Variants in TERT observed in about 807,000 individuals in gnomAD.
TERT encodes the protein telomerase catalytic subunit.
TERT carries 42 observed loss-of-function variants against 104.0 expected under a neutral mutation model. That is an observed-to-expected ratio of 0.40 (90% CI 0.32 to 0.52). The LOEUF is 0.52. Ranked by LOEUF, TERT falls within the 20% of genes least tolerant of loss-of-function variation. TERT has a pLI of 0.43. For synonymous variants in TERT, 781 were observed against 725.6 expected (o/e 1.08, Z -1.23); for missense variants, 1,101 against 1,610.3 (o/e 0.68, Z 5.41).
rs35837567 is a variant in TERT, at chr5:1,294,223, C to A, written c.663G>T (p.Ala221=). 27 of 1,584,768 alleles carry A rather than the reference C, an allele frequency of 1.7e-5. No homozygotes were observed. Among genetic ancestry groups the A allele is most frequent in the Non-Finnish European group, 2.0e-5 (24 of 1,171,400 alleles). Reference sequence around the variant, plus strand: ...GGCTGGCACTGCCCCCGCGCCTCCTCGCACCCGGGGCTGGCAGGCCCAGGG... The same window carrying A: ...GGCTGGCACTGCCCCCGCGCCTCCTAGCACCCGGGGCTGGCAGGCCCAGGG... The part of the protein sequence containing the change: ...GVPLGLPAPG[A]RRRGGSASRS... Residue 221 remains alanine, a synonymous_variant, in exon 2 of 16, where the codon GCG becomes GCT. Coordinates refer to ENST00000310581, the MANE Select transcript of TERT (RefSeq NM_198253.3).
At position 1,262,922 on chromosome 5, in the gene TERT, G is replaced by A. The variant is rs1033846329; in HGVS notation, c.2843+1482C>T. Among the ~76,000 whole-genome samples, 4 of 152,232 alleles carry A rather than the reference G, an allele frequency of 2.6e-5. No individual in the cohort carries two copies. Among genetic ancestry groups the A allele is most frequent in the African/African-American group, 9.6e-5 (4 of 41,456 alleles). On this transcript the variant is annotated intron_variant, in intron 11 of 15. Coordinates refer to ENST00000310581, the MANE Select transcript of TERT (RefSeq NM_198253.3). This position sits in a 1 kb window ranked among gnomAD's most constrained non-coding sequence, Gnocchi z 5.6. Reference sequence around the variant, plus strand: ...AGGCGAAGAGGTGCTGGGAGCCCAGGAAATGTGGAAATCATGCAGACAAAG... The same window carrying A: ...AGGCGAAGAGGTGCTGGGAGCCCAGAAAATGTGGAAATCATGCAGACAAAG...
chr5:1,253,894 T>C lies in TERT; in HGVS notation c.3296-63A>G, dbSNP rs976622721. 4 of 1,531,096 alleles carry C rather than the reference T, an allele frequency of 2.6e-6. No individual in the cohort carries two copies. In the African/African-American group the frequency reaches 5.4e-5, roughly 21 times the overall value. 94.8% of individuals were successfully genotyped at this position (1,531,096 alleles called of 1,614,324 possible). On this transcript the variant is annotated intron_variant, in intron 15 of 15. Transcript: ENST00000310581. ...CAGAGGTGGCATCCTCCAACCCTCC[T>C]AGGACGTGTGGGTGGCCGGGCAGGC...
At chr5:1,277,833 C>T (rs561949268) in intron 6 of TERT, among the ~76,000 whole-genome samples, 3 of 152,246 alleles carry the variant, frequency 2.0e-5, no homozygotes, top group South Asian at 2.1e-4. Flanking sequence ...CTCCCCAGAC[C>T]GAAGCTCCAG....
Position 1,253,405 on chromosome 5 carries a change from T to C in TERT, c.*323A>G, listed in dbSNP as rs1747467663. The stretch of plus-strand genomic sequence containing the variant: ...GGGTGAACAATGGCGAATCTGGGGA[T>C]GGACTATTCCTATGTGGGGAGTGGA... On this transcript the variant is annotated 3_prime_UTR_variant, in exon 16 of 16. Transcript: ENST00000310581. 1 of 498,260 alleles carries C rather than the reference T, an allele frequency of 2.0e-6. No homozygotes were observed. The highest frequency in any genetic ancestry group is 5.5e-4 in the Middle Eastern group (1 of 1,812). 30.9% of individuals were successfully genotyped at this position (498,260 alleles called of 1,614,324 possible).
intron 2 of TERT, among the ~76,000 whole-genome samples, chr5:1,290,362 C>A (rs1212443611): frequency 1.8e-4 from 12 of 67,236 alleles, no homozygotes; most frequent in African/African-American, 6.4e-4. Context: ...ACTCACCCTA[C>A]ACGTGACAGG....
Position 1,253,623 on chromosome 5 carries a change from C to A in TERT, c.*105G>T. ...ACTCACTCAGGCCTCAGACTCCCAG[C>A]GGTGCGGGCCTGGGTGTGGGCCGCC... On this transcript the variant is annotated 3_prime_UTR_variant, in exon 16 of 16. Coordinates refer to ENST00000310581, the MANE Select transcript of TERT (RefSeq NM_198253.3). The A allele has an allele frequency of 1.1e-6, 1 of 932,134 alleles. No individual in the cohort carries two copies. The highest frequency in any genetic ancestry group is 1.7e-6 in the Non-Finnish European group (1 of 594,616). The allele number at this position is 932,134 out of a possible 1,614,324, so 57.7% of individuals were successfully genotyped here.
rs1176021088 is a variant in TERT at position 1,255,440 on chromosome 5, A to G, written c.3033-29T>C. 6.2e-7 allele frequency: 1 copy of G among 1,613,852 alleles called. No homozygotes were observed. The highest frequency in any genetic ancestry group is 2.2e-5 in the East Asian group (1 of 44,876). On this transcript the variant is annotated intron_variant, in intron 13 of 15. Coordinates refer to ENST00000310581, the MANE Select transcript of TERT (RefSeq NM_198253.3). The surrounding 1 kb of genome is among the most constrained non-coding windows in gnomAD (Gnocchi z 6.9). ...AGAGGATGGCGGACAGCGTCAGAGG[A>G]AAGGCCTCCTAATCAGACGGTGCTC...
chr5:1,253,390 T>C lies in TERT; in HGVS notation c.*338A>G, dbSNP rs930282093. Reference sequence around the variant, plus strand: ...GGAGGGCAGGGCGAGGGGTGAACAATGGCGAATCTGGGGATGGACTATTCC... The same window carrying C: ...GGAGGGCAGGGCGAGGGGTGAACAACGGCGAATCTGGGGATGGACTATTCC... On this transcript the variant is annotated 3_prime_UTR_variant, in exon 16 of 16. Coordinates refer to ENST00000310581, the MANE Select transcript of TERT (RefSeq NM_198253.3). The C allele has an allele frequency of 5.3e-5, 25 of 469,508 alleles. No homozygotes were observed. Among genetic ancestry groups the C allele is most frequent in the Middle Eastern group, 1.2e-3 (2 of 1,688 alleles). 29.1% of individuals were successfully genotyped at this position (469,508 alleles called of 1,614,324 possible).
At position 1,263,405 on chromosome 5, in the gene TERT, C is replaced by CT. The variant is rs569826270; in HGVS notation, c.2843+998dup. 0.011 allele frequency among the ~76,000 whole-genome samples: 1,625 copies of CT among 142,718 alleles called. 16 individuals are homozygous for CT. Among genetic ancestry groups the CT allele is most frequent in the Admixed American group, 0.014 (200 of 14,246 alleles). 93.6% of individuals were successfully genotyped at this position (142,718 alleles called of 152,430 possible). A position where few individuals can be genotyped will look rare whatever the true frequency, so the allele number is the denominator to read the frequency against. The stretch of plus-strand genomic sequence containing the variant: ...CCACTATGGTTTTGGAATGCTGATA[C>CT]TTTTTTTTTTTTTTTTAAGATGAAG... On this transcript the variant is annotated intron_variant, in intron 11 of 15. Transcript: ENST00000310581. The surrounding 1 kb of genome is among the most constrained non-coding windows in gnomAD (Gnocchi z 5.3).
intron 2 of TERT, among the ~76,000 whole-genome samples, chr5:1,291,701 C>G (rs534694034): frequency 1.3e-5 from 2 of 149,198 alleles, no homozygotes; most frequent in East Asian, 4.0e-4. Flanking sequence ...CCTCACTCAC[C>G]CTACACGTGA....
chr5:1,289,371 C>G (rs1419764170), intron 2 of TERT, among the ~76,000 whole-genome samples: 1 of 139,978 alleles, frequency 7.1e-6, no homozygotes, highest in African/African-American at 2.7e-5. Context: ...CAGGGACACC[C>G]GGGGACGGGG....
chr5:1,293,352 T>C lies in TERT; in HGVS notation c.1534A>G (p.Met512Val). 6.2e-7 allele frequency: 1 copy of C among 1,613,302 alleles called. No individual in the cohort carries two copies. Among genetic ancestry groups the C allele is most frequent in the Non-Finnish European group, 8.5e-7 (1 of 1,180,022 alleles). ...KLSLQELTWK[M>V]SVRDCAWLRR... ...AGCCAAGCGCAGTCCCGCACGCTCATCTTCCACGTCAGCTCCTGCAGCGAG... is the reference window on the plus strand; with the variant it reads ...AGCCAAGCGCAGTCCCGCACGCTCACCTTCCACGTCAGCTCCTGCAGCGAG... The change falls in exon 2 of 16, where the codon ATG (methionine) becomes GTG (valine). Residue 512 changes from methionine (M) to valine (V), a missense_variant. Physicochemically the swap from Met to Val is conservative, Grantham distance 21. Around this residue, in one of 5 missense-constraint regions of TERT, gnomAD observed 504 missense variants for 544.6 expected, o/e 0.93. Coordinates refer to ENST00000310581, the MANE Select transcript of TERT (RefSeq NM_198253.3).
chr5:1,285,565 A>AT lies in TERT; in HGVS notation c.1574-2942dup, dbSNP rs1170336173. On this transcript the variant is annotated intron_variant, in intron 2 of 15. Transcript: ENST00000310581. ...TTACTTTTTTAATGTGGCTACTAGA[A>AT]TTTTTTTTTTTTTTTTTTTTTTTGA... Among the ~76,000 whole-genome samples, 364 of 82,118 alleles carry AT rather than the reference A, an allele frequency of 4.4e-3. 3 individuals are homozygous for AT. Among genetic ancestry groups the AT allele is most frequent in the Middle Eastern group, 0.03 (3 of 100 alleles). 53.9% of individuals were successfully genotyped at this position (82,118 alleles called of 152,430 possible). A position where few individuals can be genotyped will look rare whatever the true frequency, so the allele number is the denominator to read the frequency against.
In TERT at chr5:1,270,707, C is replaced by T. The variant is rs943690699; in HGVS notation, c.2468+412G>A. 6.6e-6 allele frequency among the ~76,000 whole-genome samples: 1 copy of T among 152,248 alleles called. No individual in the cohort carries two copies. The highest frequency in any genetic ancestry group is 1.5e-5 in the Non-Finnish European group (1 of 68,048). The stretch of plus-strand genomic sequence containing the variant: ...ACACGACAGGGACAGGAATGAGAAT[C>T]GGATAAAATCCTTTTGTATCGGGAG... On this transcript the variant is annotated intron_variant, in intron 8 of 15. Coordinates refer to ENST00000310581, the MANE Select transcript of TERT (RefSeq NM_198253.3). This position sits in a 1 kb window ranked among gnomAD's most constrained non-coding sequence, Gnocchi z 8.3.
At position 1,255,909 on chromosome 5, in the gene TERT, G is replaced by A. The variant is rs1156873275; in HGVS notation, c.3033-498C>T. Reference sequence around the variant, plus strand: ...CCCTGGGTCTGGGGTGATGGTGTGAGGACCCATCATCTCATCTCACTGACA... The same window carrying A: ...CCCTGGGTCTGGGGTGATGGTGTGAAGACCCATCATCTCATCTCACTGACA... On this transcript the variant is annotated intron_variant, in intron 13 of 15. Transcript: ENST00000310581. The surrounding 1 kb of genome is among the most constrained non-coding windows in gnomAD (Gnocchi z 6.9). Among the ~76,000 whole-genome samples, 1 of 152,030 alleles carries A rather than the reference G, an allele frequency of 6.6e-6. No homozygotes were observed. Among genetic ancestry groups the A allele is most frequent in the Non-Finnish European group, 1.5e-5 (1 of 68,010 alleles).
At chr5:1,282,865 AC>A (rs1750134128) in intron 2 of TERT, 3 of 579,804 alleles carry the variant, frequency 5.2e-6, no homozygotes, top group Admixed American at 2.6e-5. Context: ...TGGCGAACTC[AC>A]CCCGGACCTG....
chr5:1,292,181 G>T lies in TERT; in HGVS notation c.1573+1132C>A, dbSNP rs1751036491. ...GTCACCCTCCTTGTCTGCATGGCCGGAAGTCTTACATGTCTTGGGAGTTTG... is the reference window on the plus strand; with the variant it reads ...GTCACCCTCCTTGTCTGCATGGCCGTAAGTCTTACATGTCTTGGGAGTTTG... On this transcript the variant is annotated intron_variant, in intron 2 of 15. Coordinates refer to ENST00000310581, the MANE Select transcript of TERT (RefSeq NM_198253.3). The surrounding 1 kb of genome is among the most constrained non-coding windows in gnomAD (Gnocchi z 5.5). Among the ~76,000 whole-genome samples, 1 of 152,194 alleles carries T rather than the reference G, an allele frequency of 6.6e-6. No individual in the cohort carries two copies. Among genetic ancestry groups the T allele is most frequent in the Non-Finnish European group, 1.5e-5 (1 of 68,028 alleles).
chr5:1,265,799 G>A lies in TERT; in HGVS notation c.2654+665C>T, dbSNP rs779860698. Among the ~76,000 whole-genome samples the A allele has an allele frequency of 1.3e-5, 2 of 152,078 alleles. No individual in the cohort carries two copies. The highest frequency in any genetic ancestry group is 2.4e-5 in the African/African-American group (1 of 41,424). The stretch of plus-strand genomic sequence containing the variant: ...AAGGTTTCTCGTCCCTCGTCAAATC[G>A]CACTTTAAAACAAGCCCACCGGCTC... On this transcript the variant is annotated intron_variant, in intron 10 of 15. Transcript: ENST00000310581. This position sits in a 1 kb window ranked among gnomAD's most constrained non-coding sequence, Gnocchi z 6.9.
At chr5:1,285,588 T>TTTTTTTTG (rs59635370) in intron 2 of TERT, among the ~76,000 whole-genome samples, 1 of 120,890 alleles carries the variant, frequency 8.3e-6, no homozygotes, top group African/African-American at 3.6e-5. Context: ...TTTTTTTTTT[T>TTTTTTTTG]GAGACAGAGT....
Sources: allele counts gnomAD v4.1 joint callset (sites outside exome capture counted in the v4.1 genomes callset), GRCh38; gene constraint gnomAD v4.1.1; regional missense constraint gnomAD v4.1.1; non-coding constraint Gnocchi (gnomAD v3.1); transcripts MANE v1.5; gene names NCBI Gene and HGNC (gene_info 2026-07-23, HGNC 2026-07-21).